The following MAP4K5 variants were observed in gnomAD, a reference collection of about 807,000 sequenced individuals.
MAP4K5 encodes MAPK/ERK kinase kinase kinase 5.
Under a neutral mutation model 135.6 loss-of-function variants are expected in MAP4K5, and 82 were observed. The observed-to-expected ratio is 0.60, with a 90% CI of 0.51 to 0.73. The LOEUF (loss-of-function observed/expected upper bound fraction) is 0.73. MAP4K5 is among the 30% of genes least tolerant of loss of function. The pLI is 0.00. For synonymous variants in MAP4K5, 347 were observed against 335.0 expected, an observed-to-expected ratio of 1.04 and a Z score of -0.39; for missense variants, 907 against 1,010.9, an observed-to-expected ratio of 0.90 and a Z score of 1.39.
chr14:50,434,559 G>A lies in MAP4K5; in HGVS notation c.1999C>T (p.Pro667Ser), dbSNP rs1184326778. 1 of 1,585,602 alleles carries A rather than the reference G, an allele frequency of 6.3e-7. No homozygotes were observed. The highest frequency in any genetic ancestry group is 1.8e-5 in the Admixed American group (1 of 55,392). ...KFMLIKHFDF[P>S]LPSPLNVFEM... is the part of the protein sequence containing the mutation. Reference sequence around the variant, plus strand: ...AAAACATTCAAAGGACTTGGCAAAGGAAAATCAAAGTGCTGCAAAAAAAAT... The same window carrying A: ...AAAACATTCAAAGGACTTGGCAAAGAAAAATCAAAGTGCTGCAAAAAAAAT... Residue 667 changes from proline to serine, a missense_variant, in exon 28 of 33, where the codon CCT (proline) becomes TCT (serine). Pro to Ser is a moderately conservative substitution (Grantham distance 74). Around this residue, in one of 3 missense-constraint regions of MAP4K5, gnomAD observed 690 missense variants for 777.4 expected, o/e 0.89. Transcript: ENST00000682126.
intron 3 of MAP4K5, among the ~76,000 whole-genome samples, chr14:50,500,958 C>T (rs917561817): frequency 1.3e-5 from 2 of 151,906 alleles, no homozygotes; most frequent in African/African-American, 2.4e-5. Flanking sequence ...TATGACTTAG[C>T]CTATTGATAG....
chr14:50,510,443 T>C (rs1483443635), intron 2 of MAP4K5, among the ~76,000 whole-genome samples: 3 of 152,166 alleles, frequency 2.0e-5, no homozygotes, highest in Non-Finnish European at 4.4e-5. Flanking sequence ...CTGGATTAAG[T>C]GTGTTGTCAT....
chr14:50,443,775 G>T lies in MAP4K5; in HGVS notation c.1438-5C>A. The T allele has an allele frequency of 6.3e-7, 1 of 1,596,656 alleles. No individual in the cohort carries two copies. ...AAGGCCATTGATGGCTGGTTTCTAT[G>T]GGAAAAATAAAATTTACTAGTGTAA... On this transcript the variant is annotated splice_polypyrimidine_tract_variant and splice_region_variant and intron_variant, in intron 19 of 32. Transcript: ENST00000682126.
Position 50,428,746 on chromosome 14 carries a change from T to C in MAP4K5, c.2242A>G (p.Lys748Glu). ...AATTTTCCTTGTAGATTTACAATTT[T>C]CACAAATTCTTAAAAAAAAAAAACA... ...TVLVCLDKFV[K>E]IVNLQGKLKS... is the part of the protein sequence containing the mutation. The change falls in exon 30 of 33, where the codon AAA becomes GAA. Residue 748 changes from lysine to glutamate, a missense_variant. Lys to Glu is a moderately conservative substitution (Grantham distance 56, BLOSUM62 1). This residue lies in a region of MAP4K5 where 690 missense variants were observed against 777.4 expected (regional missense o/e 0.89). Transcript: ENST00000682126. The C allele has an allele frequency of 6.9e-7, 1 of 1,445,772 alleles. No individual in the cohort carries two copies. The highest frequency in any genetic ancestry group is 9.3e-7 in the Non-Finnish European group (1 of 1,080,288). 89.6% of individuals were successfully genotyped at this position (1,445,772 alleles called of 1,614,324 possible). A position where few individuals can be genotyped will look rare whatever the true frequency, so the allele number is the denominator to read the frequency against.
At chr14:50,506,302 G>A (rs2037808474) in intron 2 of MAP4K5, among the ~76,000 whole-genome samples, 1 of 152,026 alleles carries the variant, frequency 6.6e-6, no homozygotes, top group African/African-American at 2.4e-5. Flanking sequence ...GAATGGGGGA[G>A]AGATATACAG....
intron 28 of MAP4K5, among the ~76,000 whole-genome samples, chr14:50,433,826 CA>C (rs1463513241): frequency 6.6e-6 from 1 of 152,206 alleles, no homozygotes; most frequent in African/African-American, 2.4e-5. Context: ...GGCCCCACCT[CA>C]CCCACTTCAC....
At chr14:50,429,076 C>T (rs1401929372) in intron 29 of MAP4K5, 116 bp downstream of exon 29, 8 of 660,218 alleles carry the variant, frequency 1.2e-5, no homozygotes, top group Non-Finnish European at 2.0e-5. Flanking sequence ...ACAAATTACA[C>T]ATGATAAGTA....
chr14:50,485,721 C>A (rs1291656077), intron 4 of MAP4K5, 79 bp from the exon 5 acceptor site: 13 of 850,326 alleles, frequency 1.5e-5, no homozygotes, highest in South Asian at 1.1e-4. Flanking sequence ...CACTCTTTAG[C>A]ACACCAGGGT....
intron 3 of MAP4K5, among the ~76,000 whole-genome samples, chr14:50,499,270 CAG>C (rs1244063078): frequency 6.6e-6 from 1 of 151,974 alleles, no homozygotes; most frequent in Non-Finnish European, 1.5e-5. Context: ...CAAAATGAAA[CAG>C]AAAGAATGCT....
At chr14:50,456,328 A>G in intron 14 of MAP4K5, 188 bp downstream of exon 14, 1 of 551,266 alleles carries the variant, frequency 1.8e-6, no homozygotes, top group Admixed American at 3.5e-5. Flanking sequence ...TGGAAAATAA[A>G]AATTATTCAG....
chr14:50,503,841 T>G lies in MAP4K5; in HGVS notation c.166+959A>C, dbSNP rs148366326. Among the ~76,000 whole-genome samples the G allele has an allele frequency of 2.0e-5, 3 of 152,156 alleles. No individual in the cohort carries two copies. In the East Asian group the frequency reaches 5.8e-4, roughly 29 times the overall value. On this transcript the variant is annotated intron_variant, in intron 3 of 32. Coordinates refer to ENST00000682126, the MANE Select transcript of MAP4K5 (RefSeq NM_006575.6). ...CCATCCTTGAACATAATTTGAATAT[T>G]TGCTCTAGTGACTTTTCCAGGACAG...
chr14:50,425,241 T>C (rs1423438266), intron 31 of MAP4K5, among the ~76,000 whole-genome samples: 1 of 152,202 alleles, frequency 6.6e-6, no homozygotes, highest in East Asian at 1.9e-4. Context: ...CGTAATTATC[T>C]CAGCTAGAAG....
At chr14:50,474,323 A>C (rs1434023080) in intron 9 of MAP4K5, among the ~76,000 whole-genome samples, 1 of 151,980 alleles carries the variant, frequency 6.6e-6, no homozygotes, top group Non-Finnish European at 1.5e-5. Flanking sequence ...CTGGGAGGTC[A>C]ATGATGCAGT....
At chr14:50,470,358 T>C (rs2036930039) in intron 9 of MAP4K5, among the ~76,000 whole-genome samples, 1 of 152,124 alleles carries the variant, frequency 6.6e-6, no homozygotes, top group African/African-American at 2.4e-5. Flanking sequence ...GTATTTCACC[T>C]GATATAGTCA....
chr14:50,519,424 A>G (rs1234967932), intron 2 of MAP4K5, among the ~76,000 whole-genome samples: 1 of 152,002 alleles, frequency 6.6e-6, no homozygotes, highest in Non-Finnish European at 1.5e-5. Flanking sequence ...GGAGGTCAAG[A>G]AGGGCAGATC....
At position 50,441,795 on chromosome 14, in the gene MAP4K5, CACATAT is replaced by C. The variant is rs1379248958; in HGVS notation, c.1564+931_1564+936del. Among the ~76,000 whole-genome samples, 3 of 131,682 alleles carry C rather than the reference CACATAT, an allele frequency of 2.3e-5. 1 individual carries two copies. Among genetic ancestry groups the C allele is most frequent in the Admixed American group, 7.4e-5 (1 of 13,434 alleles). 86.4% of individuals were successfully genotyped at this position (131,682 alleles called of 152,430 possible). On this transcript the variant is annotated intron_variant, in intron 21 of 32. Transcript: ENST00000682126. ...ACACACACACACACACACACACACACACATATATATACCCCCTCTGTCATACTTTTT... is the reference window on the plus strand; with the variant it reads ...ACACACACACACACACACACACACACATATACCCCCTCTGTCATACTTTTT...
chr14:50,518,893 CATT>C (rs1395246871), intron 2 of MAP4K5, among the ~76,000 whole-genome samples: 1 of 152,120 alleles, frequency 6.6e-6, no homozygotes, highest in Non-Finnish European at 1.5e-5. Context: ...AACTCTCAGT[CATT>C]GTTGATGGGT....
At chr14:50,423,547 G>A (rs911805827) in intron 31 of MAP4K5, among the ~76,000 whole-genome samples, 3 of 151,926 alleles carry the variant, frequency 2.0e-5, no homozygotes, top group Non-Finnish European at 4.4e-5. Context: ...GGGGGCCAAG[G>A]CTTGAGGTCA....
intron 1 of MAP4K5, chr14:50,560,389 T>G: frequency 6.6e-7 from 1 of 1,513,104 alleles, no homozygotes; most frequent in Non-Finnish European, 9.0e-7. Context: ...GGCCAAGGGC[T>G]GCTAGGTGCC....
Sources: allele counts gnomAD v4.1 joint callset (sites outside exome capture counted in the v4.1 genomes callset), GRCh38; gene constraint gnomAD v4.1.1; regional missense constraint gnomAD v4.1.1; transcripts MANE v1.5; gene names NCBI Gene and HGNC (gene_info 2026-07-23, HGNC 2026-07-21).